Variants in FYN observed in about 807,000 individuals in gnomAD.
The protein encoded by FYN is FYN proto-oncogene, Src family tyrosine kinase.
A neutral mutation model predicts 70.2 loss-of-function variants in FYN; 10 were observed. That is an observed-to-expected ratio of 0.14 (90% CI 0.09 to 0.24). FYN has a LOEUF of 0.24. Among genes scored for constraint, FYN ranks in the 10% least tolerant of loss-of-function variants. FYN has a pLI of 1.00. For missense variants in FYN, 319 were observed against 673.1 expected (o/e 0.47, Z 5.82); for synonymous variants, 236 against 248.6 (o/e 0.95, Z 0.48).
chr6:111,799,835 A>T (rs1355966216), intron 2 of FYN, among the ~76,000 whole-genome samples: 1 of 152,142 alleles, frequency 6.6e-6, no homozygotes, highest in Non-Finnish European at 1.5e-5. Context: ...CACCCTTGTT[A>T]TGTGGGAGTC....
chr6:111,714,220 T>C, intron 5 of FYN, 127 bp downstream of exon 5: 1 of 657,848 alleles, frequency 1.5e-6, no homozygotes, highest in Middle Eastern at 2.5e-4. Context: ...AGTATATTGT[T>C]GTAAACCAGT....
chr6:111,691,085 C>T (rs1799294540), intron 12 of FYN, among the ~76,000 whole-genome samples: 2 of 152,192 alleles, frequency 1.3e-5, no homozygotes, highest in African/African-American at 4.8e-5. Flanking sequence ...AATAAGCAAT[C>T]GCCCCAAATT....
Position 111,694,614 on chromosome 6 carries a change from C to T in FYN, c.1119+14G>A. 6.2e-7 allele frequency: 1 copy of T among 1,613,804 alleles called. No homozygotes were observed. Among genetic ancestry groups the T allele is most frequent in the Non-Finnish European group, 8.5e-7 (1 of 1,179,834 alleles). On this transcript the variant is annotated intron_variant, in intron 11 of 13. Coordinates refer to ENST00000354650, the MANE Select transcript of FYN (RefSeq NM_002037.5). This position sits in a 1 kb window ranked among gnomAD's most constrained non-coding sequence, Gnocchi z 5.0. Reference sequence around the variant, plus strand: ...TTAAATCTATGGCACATCAAGTTACCCTGCAGGGCCTACCTGTGCTGCCAT... The same window carrying T: ...TTAAATCTATGGCACATCAAGTTACTCTGCAGGGCCTACCTGTGCTGCCAT...
At chr6:111,857,293 A>C (rs1321770531) in intron 1 of FYN, among the ~76,000 whole-genome samples, 4 of 152,194 alleles carry the variant, frequency 2.6e-5, no homozygotes, top group Non-Finnish European at 2.9e-5. Flanking sequence ...GAAAGGCTTG[A>C]AATTCTAATA....
At position 111,661,642 on chromosome 6, in the gene FYN, G is replaced by A. The variant is rs1472461198; in HGVS notation, c.*97C>T. 9 of 1,172,128 alleles carry A rather than the reference G, an allele frequency of 7.7e-6. No homozygotes were observed. In the South Asian group the frequency reaches 1.0e-4, roughly 13 times the overall value. The allele number at this position is 1,172,128 out of a possible 1,614,324, so 72.6% of individuals were successfully genotyped here. On this transcript the variant is annotated 3_prime_UTR_variant, in exon 14 of 14. Transcript: ENST00000354650. This position sits in a 1 kb window ranked among gnomAD's most constrained non-coding sequence, Gnocchi z 4.0. Reference sequence around the variant, plus strand: ...GTCACATGCAATCTGATCCTGGGCGGTTCCGCTGCTGGGGAGCAGCTGGCT... The same window carrying A: ...GTCACATGCAATCTGATCCTGGGCGATTCCGCTGCTGGGGAGCAGCTGGCT...
chr6:111,822,366 A>C (rs2114370397), intron 2 of FYN, among the ~76,000 whole-genome samples: 2 of 152,190 alleles, frequency 1.3e-5, no homozygotes, highest in African/African-American at 2.4e-5. Flanking sequence ...CATTCTCAGC[A>C]AACTATCACA....
chr6:111,801,574 A>G (rs896076874), intron 2 of FYN, among the ~76,000 whole-genome samples: 2 of 152,348 alleles, frequency 1.3e-5, no homozygotes, highest in Non-Finnish European at 2.9e-5. Context: ...CCACTTAGAC[A>G]CATCAGTGAA....
chr6:111,800,131 A>G (rs1047171307), intron 2 of FYN, among the ~76,000 whole-genome samples: 3 of 152,202 alleles, frequency 2.0e-5, no homozygotes, highest in Non-Finnish European at 4.4e-5. Context: ...TGGATTCTCT[A>G]TTACGGGTTT....
chr6:111,690,551 A>G (rs1393174932), intron 12 of FYN, among the ~76,000 whole-genome samples: 1 of 152,164 alleles, frequency 6.6e-6, no homozygotes, highest in Non-Finnish European at 1.5e-5. Context: ...CCTTTCCTGA[A>G]TAGTGTTTGA....
In FYN at chr6:111,826,047, C is replaced by G. The variant is rs148194356; in HGVS notation, c.-82+20542G>C. On this transcript the variant is annotated intron_variant, in intron 2 of 13. Coordinates refer to ENST00000354650, the MANE Select transcript of FYN (RefSeq NM_002037.5). Reference sequence around the variant, plus strand: ...CATGGGAGTAGAAGCAGTAGACAAGCAAGAGAAAAGGCGAAGGGAAAACAA... The same window carrying G: ...CATGGGAGTAGAAGCAGTAGACAAGGAAGAGAAAAGGCGAAGGGAAAACAA... 1.1e-3 allele frequency among the ~76,000 whole-genome samples: 172 copies of G among 152,134 alleles called. 1 individual carries two copies. The highest frequency in any genetic ancestry group is 3.9e-3 in the African/African-American group (163 of 41,494).
chr6:111,688,021 CA>C (rs201752789), intron 12 of FYN, among the ~76,000 whole-genome samples: 2 of 150,590 alleles, frequency 1.3e-5, no homozygotes, highest in African/African-American at 4.9e-5. Context: ...TCAAGCTATC[CA>C]AAAAAAACCC....
chr6:111,691,487 G>A (rs78873471), intron 12 of FYN, among the ~76,000 whole-genome samples: 7,091 of 152,212 alleles, frequency 0.047, 489 homozygotes, highest in African/African-American at 0.15. Flanking sequence ...AATATTATTA[G>A]GCATGCGGAC....
intron 2 of FYN, among the ~76,000 whole-genome samples, chr6:111,812,225 G>A (rs1460722847): frequency 1.3e-5 from 2 of 152,196 alleles, no homozygotes; most frequent in African/African-American, 4.8e-5. Context: ...GGAAGAACAG[G>A]GCTGTGGCTG....
chr6:111,791,951 A>C (rs922785634), intron 2 of FYN, among the ~76,000 whole-genome samples: 2 of 152,258 alleles, frequency 1.3e-5, no homozygotes, highest in Non-Finnish European at 2.9e-5. Flanking sequence ...GAAAACATAG[A>C]GAACACCTTC....
intron 12 of FYN, among the ~76,000 whole-genome samples, chr6:111,679,013 A>G (rs1331645705): frequency 1.3e-5 from 2 of 152,102 alleles, no homozygotes. Context: ...AATAGAATCT[A>G]CATGCATAAT....
Position 111,694,597 on chromosome 6 carries a change from A to G in FYN, c.1119+31T>C, listed in dbSNP as rs753177376. 1.9e-6 allele frequency: 3 copies of G among 1,613,656 alleles called. No homozygotes were observed. In the African/African-American group the frequency reaches 4.0e-5, roughly 22 times the overall value. On this transcript the variant is annotated intron_variant, in intron 11 of 13. Coordinates refer to ENST00000354650, the MANE Select transcript of FYN (RefSeq NM_002037.5). The surrounding 1 kb of genome is among the most constrained non-coding windows in gnomAD (Gnocchi z 5.0). ...TGTACTTAGACACGTCATTAAATCT[A>G]TGGCACATCAAGTTACCCTGCAGGG... is the stretch of plus-strand genomic sequence containing the variant.
At chr6:111,772,204 T>A (rs1465271351) in intron 3 of FYN, among the ~76,000 whole-genome samples, 2 of 152,152 alleles carry the variant, frequency 1.3e-5, no homozygotes, top group African/African-American at 4.8e-5. Context: ...AAAAAATGTT[T>A]AGCCTAATCA....
At chr6:111,867,403 T>G (rs551150355) in intron 1 of FYN, among the ~76,000 whole-genome samples, 1 of 133,902 alleles carries the variant, frequency 7.5e-6, no homozygotes, top group Non-Finnish European at 1.5e-5. Context: ...TGCAGTGAGC[T>G]GAGATCACGC....
In FYN at chr6:111,694,613, C is replaced by A; in HGVS notation, c.1119+15G>T. ...ATTAAATCTATGGCACATCAAGTTA[C>A]CCTGCAGGGCCTACCTGTGCTGCCA... On this transcript the variant is annotated intron_variant, in intron 11 of 13. Coordinates refer to ENST00000354650, the MANE Select transcript of FYN (RefSeq NM_002037.5). The surrounding 1 kb of genome is among the most constrained non-coding windows in gnomAD (Gnocchi z 5.0). 4 of 1,613,756 alleles carry A rather than the reference C, an allele frequency of 2.5e-6. No homozygotes were observed. The South Asian group carries it at 4.4e-5, about 18-fold the overall frequency.
Sources: allele counts gnomAD v4.1 joint callset (sites outside exome capture counted in the v4.1 genomes callset), GRCh38; gene constraint gnomAD v4.1.1; non-coding constraint Gnocchi (gnomAD v3.1); transcripts MANE v1.5; gene names NCBI Gene and HGNC (gene_info 2026-07-23, HGNC 2026-07-21).